ANXA7: variants seen among roughly 807,000 people sequenced by gnomAD.
ANXA7 encodes annexin VII.
Under a neutral mutation model 64.9 loss-of-function variants are expected in ANXA7, and 55 were observed. The observed-to-expected ratio is 0.85, with a 90% CI of 0.68 to 1.06. The LOEUF (loss-of-function observed/expected upper bound fraction) is 1.06. Ranked by LOEUF, ANXA7 falls within the 50% of genes least tolerant of loss-of-function variation. ANXA7 has a pLI of 0.00. For synonymous variants in ANXA7, 200 were observed against 192.4 expected (o/e 1.04, Z -0.33); for missense variants, 548 against 582.1 (o/e 0.94, Z 0.60).
At chr10:73,390,642 C>T (rs2055456264) in intron 5 of ANXA7, among the ~76,000 whole-genome samples, 1 of 149,086 alleles carries the variant, frequency 6.7e-6, no homozygotes, top group Non-Finnish European at 1.5e-5. Context: ...TAAACTAACC[C>T]TCACTGTGTA....
intron 9 of ANXA7, among the ~76,000 whole-genome samples, chr10:73,382,429 A>G (rs143611609): frequency 0.025 from 3,759 of 152,086 alleles, 66 homozygotes; most frequent in Non-Finnish European, 0.034. Context: ...TGCAGCCTCA[A>G]TCTCCTGGGC....
Position 73,383,163 on chromosome 10 carries a change from T to C in ANXA7, c.918+12A>G, listed in dbSNP as rs2055301715. 6.2e-7 allele frequency: 1 copy of C among 1,605,148 alleles called. No homozygotes were observed. Among genetic ancestry groups the C allele is most frequent in the South Asian group, 1.1e-5 (1 of 89,996 alleles). ...CCCTCTATCAACGCACAAGCATTCA[T>C]ACTATACTCACCTGGCACATGGACA... On this transcript the variant is annotated intron_variant, in intron 9 of 12. Transcript: ENST00000372921.
At chr10:73,379,988 T>A (rs1418507827) in intron 10 of ANXA7, 34 bp from the exon 11 acceptor site, 1 of 1,612,914 alleles carries the variant, frequency 6.2e-7, no homozygotes, top group Non-Finnish European at 8.5e-7. Context: ...AATATTTTTG[T>A]ATCTTACAGC....
intron 7 of ANXA7, among the ~76,000 whole-genome samples, 176 bp downstream of exon 7, chr10:73,387,513 T>TCACAA (rs2055394147): frequency 8.0e-6 from 1 of 125,680 alleles, no homozygotes; most frequent in African/African-American, 3.7e-5. Context: ...AGACTTCATC[T>TCACAA]CAAAACAAAA....
At chr10:73,405,289 C>T (rs551297372) in intron 1 of ANXA7, among the ~76,000 whole-genome samples, 2 of 148,412 alleles carry the variant, frequency 1.3e-5, no homozygotes, top group East Asian at 4.0e-4. Context: ...CTGTAATACA[C>T]CCAGCACTTT....
chr10:73,405,474 G>A (rs554235427), intron 1 of ANXA7, among the ~76,000 whole-genome samples: 1 of 152,202 alleles, frequency 6.6e-6, no homozygotes, highest in African/African-American at 2.4e-5. Context: ...AGGAGGCAGA[G>A]GTTGCAGTGA....
At chr10:73,393,983 A>C (rs1251310035) in intron 5 of ANXA7, among the ~76,000 whole-genome samples, 1 of 152,228 alleles carries the variant, frequency 6.6e-6, no homozygotes, top group African/African-American at 2.4e-5. Flanking sequence ...TAATATCCAA[A>C]ATCTACAAAG....
At chr10:73,396,440 C>G in intron 5 of ANXA7, 79 bp downstream of exon 5, 1 of 1,037,770 alleles carries the variant, frequency 9.6e-7, no homozygotes, top group Non-Finnish European at 1.4e-6. Context: ...TTCCTCCGAC[C>G]CATGGAAACC....
At chr10:73,406,506 A>G (rs919581890) in intron 1 of ANXA7, among the ~76,000 whole-genome samples, 1 of 152,222 alleles carries the variant, frequency 6.6e-6, no homozygotes, top group African/African-American at 2.4e-5. Flanking sequence ...CTACTGCTGG[A>G]GTATCAAATG....
chr10:73,405,960 CTTT>C (rs199538795), intron 1 of ANXA7, among the ~76,000 whole-genome samples: 1 of 144,474 alleles, frequency 6.9e-6, no homozygotes, highest in Non-Finnish European at 1.5e-5. Context: ...TTTTTCTCTT[CTTT>C]TTTTTTTTTG....
intron 2 of ANXA7, among the ~76,000 whole-genome samples, chr10:73,400,208 G>C (rs188219772): frequency 8.0e-4 from 122 of 152,140 alleles, no homozygotes; most frequent in Admixed American, 2.7e-3. Context: ...TCAGCTCTTA[G>C]TCCTCAGAGT....
rs2132711288 is a variant in ANXA7, at chr10:73,413,643, T to C, written c.-2+369A>G. Among the ~76,000 whole-genome samples, 2 of 152,364 alleles carry C rather than the reference T, an allele frequency of 1.3e-5. 1 individual carries two copies. The highest frequency in any genetic ancestry group is 1.3e-4 in the Admixed American group (2 of 15,306). On this transcript the variant is annotated intron_variant, in intron 1 of 12. Transcript: ENST00000372921. ...CTGTGTCACCGGAAAGTACAGCCAC[T>C]ACCAGCCAGACGGCTTTCAGCACTG...
chr10:73,396,214 T>G, intron 5 of ANXA7: 2 of 742,436 alleles, frequency 2.7e-6, no homozygotes. Flanking sequence ...AATTCATAGG[T>G]GTAACTGCTG....
intron 5 of ANXA7, among the ~76,000 whole-genome samples, chr10:73,392,015 GA>G (rs1159687900): frequency 1.3e-5 from 2 of 152,014 alleles, no homozygotes; most frequent in Non-Finnish European, 2.9e-5. Context: ...TGATAAAGGG[GA>G]TATCACCACC....
chr10:73,398,515 A>C, intron 2 of ANXA7, 130 bp from the exon 3 acceptor site: 2 of 806,756 alleles, frequency 2.5e-6, no homozygotes, highest in Non-Finnish European at 3.8e-6. Flanking sequence ...TCCCATTAGA[A>C]ATCCTGGTAT....
chr10:73,412,342 AC>A (rs1205043707), intron 1 of ANXA7, among the ~76,000 whole-genome samples: 3 of 151,240 alleles, frequency 2.0e-5, no homozygotes, highest in Admixed American at 6.6e-5. Flanking sequence ...GCCGAGACTT[AC>A]TTTTCAATGT....
At chr10:73,409,625 T>C (rs551292950) in intron 1 of ANXA7, among the ~76,000 whole-genome samples, 1 of 152,180 alleles carries the variant, frequency 6.6e-6, no homozygotes, top group Admixed American at 6.5e-5. Flanking sequence ...GCGATTCCCA[T>C]CAAAATACCA....
intron 7 of ANXA7, 58 bp downstream of exon 7, chr10:73,387,631 C>A (rs1364322364): frequency 5.3e-6 from 7 of 1,321,132 alleles, no homozygotes; most frequent in Non-Finnish European, 3.3e-6. Flanking sequence ...TCCAATCTGA[C>A]ATGAATGCAG....
chr10:73,388,642 T>C (rs539250680), intron 5 of ANXA7, among the ~76,000 whole-genome samples: 1 of 152,266 alleles, frequency 6.6e-6, no homozygotes, highest in South Asian at 2.1e-4. Flanking sequence ...GACACCAAAC[T>C]TCCAGGAGAC....
Sources: allele counts gnomAD v4.1 joint callset (sites outside exome capture counted in the v4.1 genomes callset), GRCh38; gene constraint gnomAD v4.1.1; transcripts MANE v1.5; gene names NCBI Gene and HGNC (gene_info 2026-07-23, HGNC 2026-07-21).